DNM1L: variants seen among roughly 807,000 people sequenced by gnomAD.
The protein encoded by DNM1L is dynamin-1-like protein.
Under a neutral mutation model 92.8 loss-of-function variants are expected in DNM1L, and 33 were observed. That is an observed-to-expected ratio of 0.36 (90% CI 0.27 to 0.48). DNM1L has a LOEUF of 0.48. Ranked by LOEUF, DNM1L falls within the 20% of genes least tolerant of loss-of-function variation. The pLI, the probability that DNM1L is intolerant of heterozygous loss-of-function variation, is 0.99. For synonymous variants in DNM1L, 284 were observed against 305.0 expected, an observed-to-expected ratio of 0.93 and a Z score of 0.72; for missense variants, 485 against 888.8, an observed-to-expected ratio of 0.55 and a Z score of 5.78.
chr12:32,738,015 A>C, intron 15 of DNM1L, 73 bp downstream of exon 15: 1 of 1,474,586 alleles, frequency 6.8e-7, no homozygotes, highest in Non-Finnish European at 9.5e-7. Context: ...GAAACAATAC[A>C]CTGAATAGAA....
At chr12:32,727,499 C>A in intron 9 of DNM1L, 582 of 436,062 alleles carry the variant, frequency 1.3e-3, no homozygotes, top group Middle Eastern at 8.5e-3. Flanking sequence ...GCAGATGGCG[C>A]TAAAAAAAGA....
chr12:32,693,362 A>G (rs1313969510), intron 1 of DNM1L, among the ~76,000 whole-genome samples: 1 of 152,158 alleles, frequency 6.6e-6, no homozygotes, highest in Non-Finnish European at 1.5e-5. Flanking sequence ...GGAGTTATTT[A>G]TACATTTTGG....
intron 6 of DNM1L, among the ~76,000 whole-genome samples, chr12:32,715,941 T>C (rs1011041930): frequency 6.6e-6 from 1 of 152,142 alleles, no homozygotes; most frequent in African/African-American, 2.4e-5. Flanking sequence ...AAAAACTATA[T>C]GCAAATGTCT....
At chr12:32,686,797 A>G (rs907938396) in intron 1 of DNM1L, among the ~76,000 whole-genome samples, 5 of 152,150 alleles carry the variant, frequency 3.3e-5, no homozygotes, top group African/African-American at 9.6e-5. Flanking sequence ...AACATTTGTT[A>G]TTATCTGTTT....
intron 5 of DNM1L, 119 bp from the exon 6 acceptor site, chr12:32,713,090 T>C: frequency 1.0e-6 from 1 of 977,206 alleles, no homozygotes; most frequent in Non-Finnish European, 1.5e-6. Context: ...TAGTAATGTC[T>C]TTATTTTTAT....
chr12:32,731,344 T>C lies in DNM1L; in HGVS notation c.1201-12T>C. 6.2e-7 allele frequency: 1 copy of C among 1,614,180 alleles called. No individual in the cohort carries two copies. Among genetic ancestry groups the C allele is most frequent in the Non-Finnish European group, 8.5e-7 (1 of 1,180,034 alleles). ...ACATATATAATAAGAGTTCTAAGTT[T>C]TATTTTCTCAGGGTCCTCGTCCTGC... On this transcript the variant is annotated splice_polypyrimidine_tract_variant and intron_variant, in intron 10 of 19. Coordinates refer to ENST00000549701, the MANE Select transcript of DNM1L (RefSeq NM_012062.5). This position sits in a 1 kb window ranked among gnomAD's most constrained non-coding sequence, Gnocchi z 5.1.
At position 32,744,700 on chromosome 12, in the gene DNM1L, C is replaced by G; in HGVS notation, c.*1290C>G. On this transcript the variant is annotated 3_prime_UTR_variant, in exon 20 of 20. Transcript: ENST00000549701. Reference sequence around the variant, plus strand: ...TGCACTCCAGCCTTGGCAACAAGAGCGAAACTCCGTCTCAAAAAAAAAAAA... The same window carrying G: ...TGCACTCCAGCCTTGGCAACAAGAGGGAAACTCCGTCTCAAAAAAAAAAAA... The G allele has an allele frequency of 2.8e-6, 1 of 351,658 alleles. No homozygotes were observed. The highest frequency in any genetic ancestry group is 5.4e-6 in the Non-Finnish European group (1 of 184,832). The allele number at this position is 351,658 out of a possible 1,614,324, so 21.8% of individuals were successfully genotyped here.
intron 1 of DNM1L, among the ~76,000 whole-genome samples, chr12:32,699,632 C>G (rs1229199312): frequency 1.3e-5 from 2 of 151,786 alleles, no homozygotes; most frequent in African/African-American, 4.8e-5. Flanking sequence ...CCTGTCTCTA[C>G]TAAAAATACA....
chr12:32,684,787 T>C (rs1367504031), intron 1 of DNM1L, among the ~76,000 whole-genome samples: 1 of 152,162 alleles, frequency 6.6e-6, no homozygotes, highest in African/African-American at 2.4e-5. Context: ...GTTCATCCAT[T>C]ATGTAGCATG....
At chr12:32,734,532 C>T (rs778376233) in intron 13 of DNM1L, among the ~76,000 whole-genome samples, 24 of 152,180 alleles carry the variant, frequency 1.6e-4, no homozygotes, top group African/African-American at 4.6e-4. Flanking sequence ...GGTGGCCAGA[C>T]GTGGTGGCTC....
At chr12:32,699,019 C>T (rs1037971611) in intron 1 of DNM1L, among the ~76,000 whole-genome samples, 1 of 149,906 alleles carries the variant, frequency 6.7e-6, no homozygotes, top group Non-Finnish European at 1.5e-5. Flanking sequence ...GACCCCATCT[C>T]TTAAAAAAAA....
chr12:32,718,045 TATATATACTATACATATTTTA>T (rs1456307892), intron 6 of DNM1L, among the ~76,000 whole-genome samples: 26 of 131,242 alleles, frequency 2.0e-4, no homozygotes, highest in Middle Eastern at 3.9e-3. Context: ...CTATACATAC[TATATATACTATACATATTTTA>T]TATATATACT....
rs926091216 is a variant in DNM1L, at chr12:32,732,743, T to C, written c.1446+800T>C. 95 of 358,500 alleles carry C rather than the reference T, an allele frequency of 2.6e-4. 2 individuals carry two copies. The highest frequency in any genetic ancestry group is 1.9e-3 in the South Asian group (88 of 45,302). 22.2% of individuals were successfully genotyped at this position (358,500 alleles called of 1,614,324 possible). On this transcript the variant is annotated intron_variant, in intron 12 of 19. Coordinates refer to ENST00000549701, the MANE Select transcript of DNM1L (RefSeq NM_012062.5). ...TTTTACCCAGTTCTGGACTGATAAG[T>C]GCTGTTCTGATACCTGAGATTTGTT...
At chr12:32,681,530 A>G (rs1565965871) in intron 1 of DNM1L, among the ~76,000 whole-genome samples, 3 of 147,030 alleles carry the variant, frequency 2.0e-5, no homozygotes, top group Non-Finnish European at 4.5e-5. Flanking sequence ...CCCCAGCAGA[A>G]AGAGAGAGAA....
At chr12:32,693,633 C>G (rs536816155) in intron 1 of DNM1L, among the ~76,000 whole-genome samples, 1 of 152,000 alleles carries the variant, frequency 6.6e-6, no homozygotes, top group South Asian at 2.1e-4. Flanking sequence ...TCACCTTAAA[C>G]TTTTCTTTTT....
chr12:32,725,090 CT>C lies in DNM1L; in HGVS notation c.1079+2466del, dbSNP rs200381294. On this transcript the variant is annotated intron_variant, in intron 9 of 19. Coordinates refer to ENST00000549701, the MANE Select transcript of DNM1L (RefSeq NM_012062.5). The stretch of plus-strand genomic sequence containing the variant: ...CACTGAAGATTTTCTTCTTCTTCTT[CT>C]TTTTTTTTACACTTGCTTATTAGTA... 3.0e-4 allele frequency among the ~76,000 whole-genome samples: 42 copies of C among 140,432 alleles called. 1 individual carries two copies. The East Asian group carries it at 7.1e-3, about 24-fold the overall frequency. 92.1% of individuals were successfully genotyped at this position (140,432 alleles called of 152,430 possible).
intron 1 of DNM1L, among the ~76,000 whole-genome samples, chr12:32,694,510 C>G (rs144432390): frequency 1.3e-5 from 2 of 152,246 alleles, no homozygotes; most frequent in East Asian, 3.9e-4. Context: ...TACCTTATTC[C>G]TTTTTATGAC....
intron 1 of DNM1L, among the ~76,000 whole-genome samples, chr12:32,695,550 C>T (rs562977477): frequency 3.9e-5 from 6 of 152,236 alleles, no homozygotes; most frequent in East Asian, 3.9e-4. Context: ...CAGGAGGATT[C>T]GCTTGAGTCC....
chr12:32,686,463 C>T (rs1381616765), intron 1 of DNM1L, among the ~76,000 whole-genome samples: 1 of 151,554 alleles, frequency 6.6e-6, no homozygotes, highest in Non-Finnish European at 1.5e-5. Context: ...TGAGCTGTCA[C>T]TCCCTCTTCT....
Sources: allele counts gnomAD v4.1 joint callset (sites outside exome capture counted in the v4.1 genomes callset), GRCh38; gene constraint gnomAD v4.1.1; non-coding constraint Gnocchi (gnomAD v3.1); transcripts MANE v1.5; gene names NCBI Gene and HGNC (gene_info 2026-07-23, HGNC 2026-07-21).